Variants in EPG5 observed in about 807,000 individuals in gnomAD.
EPG5 encodes the protein ectopic P granules protein 5 homolog.
A neutral mutation model predicts 302.7 loss-of-function variants in EPG5; 159 were observed. The observed-to-expected ratio is 0.53, with a 90% CI of 0.46 to 0.60. The LOEUF is 0.60. Among genes scored for constraint, EPG5 ranks in the 20% least tolerant of loss-of-function variants. The probability of loss-of-function intolerance (pLI) is 0.00; values close to 1 mark genes in which losing one functional copy is unlikely to be tolerated. For missense variants in EPG5, 2,896 were observed against 3,092.4 expected (o/e 0.94, Z 1.51); for synonymous variants, 1,158 against 1,136.8 (o/e 1.02, Z -0.37).
chr18:45,860,917 A>C (rs2048621632), intron 39 of EPG5, among the ~76,000 whole-genome samples: 1 of 152,036 alleles, frequency 6.6e-6, no homozygotes, highest in African/African-American at 2.4e-5. Flanking sequence ...GTAATTTTTC[A>C]AAAAAAATTG....
At chr18:45,937,105 T>G (rs1469729558) in intron 10 of EPG5, among the ~76,000 whole-genome samples, 1 of 151,844 alleles carries the variant, frequency 6.6e-6, no homozygotes, top group Non-Finnish European at 1.5e-5. Context: ...TGATGCTGTT[T>G]TATACCCCAA....
chr18:45,947,963 C>T (rs544871044), intron 6 of EPG5, among the ~76,000 whole-genome samples: 5 of 152,076 alleles, frequency 3.3e-5, no homozygotes, highest in African/African-American at 9.6e-5. Flanking sequence ...TTAGTAGAGA[C>T]GGAGTTTCAC....
intron 6 of EPG5, 58 bp downstream of exon 6, chr18:45,948,445 A>G: frequency 7.2e-7 from 1 of 1,383,522 alleles, no homozygotes; most frequent in South Asian, 1.2e-5. Flanking sequence ...TCAGGAGCCA[A>G]TCCTTTAGAA....
At chr18:45,803,770 A>G in the EPG5 span, among the ~76,000 whole-genome samples, 1 of 152,372 alleles carries the variant, frequency 6.6e-6, no homozygotes, top group Non-Finnish European at 1.5e-5. Flanking sequence ...AGAAAAAAAC[A>G]GAATTTGCAG....
At chr18:45,831,404 C>T in the EPG5 span, among the ~76,000 whole-genome samples, 2 of 152,186 alleles carry the variant, frequency 1.3e-5, no homozygotes, top group South Asian at 4.1e-4. Flanking sequence ...AAACAGAAAC[C>T]ACATTCTAGC....
chr18:45,937,495 TTC>T (rs1491157613), intron 10 of EPG5, among the ~76,000 whole-genome samples: 1 of 151,924 alleles, frequency 6.6e-6, no homozygotes, highest in Non-Finnish European at 1.5e-5. Context: ...CAACCTCCAC[TTC>T]CGGGGTTCAA....
intron 27 of EPG5, among the ~76,000 whole-genome samples, chr18:45,890,679 T>C (rs138707280): frequency 3.9e-5 from 6 of 152,358 alleles, no homozygotes; most frequent in Non-Finnish European, 7.3e-5. Flanking sequence ...CTCTGACTGA[T>C]AGTGACATAC....
chr18:45,946,737 G>A lies in EPG5; in HGVS notation c.1603C>T (p.Pro535Ser), dbSNP rs2145928672. 6.2e-7 allele frequency: 1 copy of A among 1,614,118 alleles called. No homozygotes were observed. The change falls in exon 7 of 44, where the codon CCC becomes TCC. Residue 535 changes from proline (P) to serine (S), a missense_variant. Transcript: ENST00000282041. The stretch of plus-strand genomic sequence containing the variant: ...GAGGAGGATGGCTTCCGCTCGCTGG[G>A]CTTCATGTGGCACATAAACTCAGCT... ...NRAEFMCHMKPSERKPSSSGP... is the reference protein window; with the variant it reads ...NRAEFMCHMKSSERKPSSSGP...
chr18:45,839,025 C>T, the EPG5 span: 2 of 1,575,552 alleles, frequency 1.3e-6, no homozygotes, highest in Non-Finnish European at 1.7e-6. Flanking sequence ...CCCTCCTGCT[C>T]GGCGCTCTCG....
At position 45,879,097 on chromosome 18, in the gene EPG5, T is replaced by C. The variant is rs968834469; in HGVS notation, c.5785A>G (p.Thr1929Ala). The change falls in exon 33 of 44, where the codon ACA becomes GCA. Residue 1929 changes from threonine to alanine, a missense_variant. Thr to Ala is a moderately conservative substitution (Grantham distance 58). This residue lies in a region of EPG5 where 790 missense variants were observed against 798.0 expected (regional missense o/e 0.99). Transcript: ENST00000282041. ...KWSPYMADVK[T>A]FLGYLVKRLI... ...CTTTTCACAAGGTAGCCCAAGAATG[T>C]CTTCACATCAGCCATATAAGGACTC... The C allele has an allele frequency of 6.2e-6, 10 of 1,614,056 alleles. No homozygotes were observed. The African/African-American group carries it at 1.3e-4, about 22-fold the overall frequency.
chr18:45,899,713 A>G, intron 26 of EPG5, 147 bp from the exon 27 acceptor site: 1 of 736,252 alleles, frequency 1.4e-6, no homozygotes, highest in Non-Finnish European at 2.2e-6. Flanking sequence ...TTGTGAGCCA[A>G]GACTTACCCA....
intron 27 of EPG5, among the ~76,000 whole-genome samples, chr18:45,898,373 A>C (rs1040004063): frequency 1.3e-5 from 2 of 152,232 alleles, no homozygotes; most frequent in Non-Finnish European, 2.9e-5. Context: ...GCCACCTTGC[A>C]GAGTTGTTGT....
the EPG5 span, among the ~76,000 whole-genome samples, chr18:45,813,256 TCAGGAAACAA>T: frequency 6.6e-6 from 1 of 152,058 alleles, no homozygotes; most frequent in African/African-American, 2.4e-5. Context: ...CATTAAAAAG[TCAGGAAACAA>T]CAGGTGCTGG....
intron 24 of EPG5, among the ~76,000 whole-genome samples, chr18:45,905,596 T>C (rs1364035328): frequency 2.0e-5 from 3 of 152,200 alleles, no homozygotes; most frequent in Non-Finnish European, 4.4e-5. Context: ...CAGAGGCTAA[T>C]GAATAGAGCA....
rs192908589 is a variant in EPG5, at chr18:45,921,779, A to C, written c.3098+562T>G. Among the ~76,000 whole-genome samples, 413 of 152,140 alleles carry C rather than the reference A, an allele frequency of 2.7e-3. 4 individuals are homozygous for C. The highest frequency in any genetic ancestry group is 9.5e-3 in the African/African-American group (394 of 41,510). On this transcript the variant is annotated intron_variant, in intron 16 of 43. Coordinates refer to ENST00000282041, the MANE Select transcript of EPG5 (RefSeq NM_020964.3). The stretch of plus-strand genomic sequence containing the variant: ...TTGAACAATGAGAACACCTGGACAT[A>C]GAGCAGGGAACATCACACACCAGGG...
chr18:45,952,551 T>C lies in EPG5; in HGVS notation c.1101A>G (p.Leu367=). Residue 367 remains leucine (L), a synonymous_variant, in exon 3 of 44, where the codon CTA becomes CTG. Transcript: ENST00000282041. ...NENALVELKK[L]FDAKSEHLHQ... Reference sequence around the variant, plus strand: ...GGAGGTGCTCAGATTTGGCATCGAATAGCTTCTTTAGCTCCACCAGTGCAT... The same window carrying C: ...GGAGGTGCTCAGATTTGGCATCGAACAGCTTCTTTAGCTCCACCAGTGCAT... The C allele has an allele frequency of 1.2e-6, 2 of 1,614,174 alleles. No homozygotes were observed. Among genetic ancestry groups the C allele is most frequent in the Middle Eastern group, 1.6e-4 (1 of 6,062 alleles).
At chr18:45,806,175 G>T in the EPG5 span, among the ~76,000 whole-genome samples, 1 of 152,186 alleles carries the variant, frequency 6.6e-6, no homozygotes, top group Non-Finnish European at 1.5e-5. Context: ...GTATCCCATT[G>T]CCAGGGATTA....
At chr18:45,836,106 G>T in the EPG5 span, among the ~76,000 whole-genome samples, 1 of 152,224 alleles carries the variant, frequency 6.6e-6, no homozygotes, top group Admixed American at 6.5e-5. Flanking sequence ...GTCTGCCAGC[G>T]ATGGGTTAGG....
At chr18:45,812,931 A>C in the EPG5 span, among the ~76,000 whole-genome samples, 1 of 152,264 alleles carries the variant, frequency 6.6e-6, no homozygotes, top group African/African-American at 2.4e-5. Context: ...GATCTGATTA[A>C]ACTAAAGAGC....
Sources: gnomAD v4.1 joint callset for allele counts (sites outside exome capture counted in the v4.1 genomes callset) on GRCh38, gnomAD v4.1.1 for gene constraint, gnomAD v4.1.1 regional missense constraint, MANE v1.5 for transcripts, NCBI Gene and HGNC (gene_info 2026-07-23, HGNC 2026-07-21) for gene names.